BLM: variants seen among roughly 807,000 people sequenced by gnomAD.
BLM encodes the protein BLM RecQ like helicase, also known as recQ-like DNA helicase BLM.
Under a neutral mutation model 135.3 loss-of-function variants are expected in BLM, and 95 were observed. That is an observed-to-expected ratio of 0.70 (90% CI 0.59 to 0.83). The LOEUF (loss-of-function observed/expected upper bound fraction) is 0.83, where lower values mean the gene tolerates loss of function less well. BLM is among the 40% of genes least tolerant of loss of function. The pLI is 0.00. For missense variants in BLM, 1,518 were observed against 1,663.9 expected, an observed-to-expected ratio of 0.91 and a Z score of 1.53; for synonymous variants, 520 against 589.2, an observed-to-expected ratio of 0.88 and a Z score of 1.70.
At chr15:90,752,292 C>T (rs554280425) in intron 4 of BLM, among the ~76,000 whole-genome samples, 1 of 152,060 alleles carries the variant, frequency 6.6e-6, no homozygotes, top group African/African-American at 2.4e-5. Flanking sequence ...TCTTGTGCCT[C>T]AGCCTCCCAG....
rs751100504 is a variant in BLM, at chr15:90,769,477, A to G, written c.2446A>G (p.Met816Val). 3 of 1,614,184 alleles carry G rather than the reference A, an allele frequency of 1.9e-6. No homozygotes were observed. The highest frequency in any genetic ancestry group is 2.7e-5 in the African/African-American group (2 of 75,058). The change falls in exon 12 of 22, where the codon ATG (methionine) becomes GTG (valine). Residue 816 changes from methionine to valine, a missense_variant. This residue lies in a region of BLM where 626 missense variants were observed against 681.1 expected (regional missense o/e 0.92). Transcript: ENST00000355112. ...DFRQDYKRMN[M>V]LRQKFPSVPV... is the part of the protein sequence containing the mutation. ...TCGTCAAGATTACAAAAGAATGAAT[A>G]TGCTTCGCCAGAAGTTTCCTTCTGT...
Position 90,790,655 on chromosome 15 carries a change from T to C in BLM, c.2830T>C (p.Cys944Arg). ...GCTTTTGCTTTTATATCAGGTTATC[T>C]GTGCTACAATTGCATTTGGAATGGG... is the stretch of plus-strand genomic sequence containing the variant. Reference protein sequence around the residue: ...WINQDGCQVICATIAFGMGID... With the variant: ...WINQDGCQVIRATIAFGMGID... Residue 944 changes from cysteine to arginine, a missense_variant, in exon 15 of 22, where the codon TGT becomes CGT. This residue lies in a region of BLM where 626 missense variants were observed against 681.1 expected (regional missense o/e 0.92). Coordinates refer to ENST00000355112, the MANE Select transcript of BLM (RefSeq NM_000057.4). 1 of 1,614,134 alleles carries C rather than the reference T, an allele frequency of 6.2e-7. No individual in the cohort carries two copies. The highest frequency in any genetic ancestry group is 8.5e-7 in the Non-Finnish European group (1 of 1,179,946).
At chr15:90,719,510 A>G (rs1196665060) in intron 1 of BLM, among the ~76,000 whole-genome samples, 1 of 152,084 alleles carries the variant, frequency 6.6e-6, no homozygotes, top group East Asian at 1.9e-4. Flanking sequence ...CTGAGGCACG[A>G]GAATCGCTTG....
chr15:90,814,999 T>G, intron 21 of BLM, 103 bp from the exon 22 acceptor site: 1 of 1,208,084 alleles, frequency 8.3e-7, no homozygotes, highest in Non-Finnish European at 1.2e-6. Context: ...AAGGACACAT[T>G]AGGCCCAGGG....
chr15:90,741,529 ACT>A (rs1487402477), intron 1 of BLM, among the ~76,000 whole-genome samples: 3 of 151,370 alleles, frequency 2.0e-5, no homozygotes, highest in Admixed American at 6.6e-5. Flanking sequence ...TAGACTTTCT[ACT>A]CTGTCTTCCA....
chr15:90,782,580 A>G (rs1245770614), intron 12 of BLM, among the ~76,000 whole-genome samples: 1 of 152,126 alleles, frequency 6.6e-6, no homozygotes, highest in African/African-American at 2.4e-5. Flanking sequence ...TGCAAGTGGT[A>G]GTATTCTCTT....
In BLM at chr15:90,815,587, C is replaced by T. The variant is rs1325683958; in HGVS notation, c.*308C>T. 2.3e-5 allele frequency: 9 copies of T among 384,846 alleles called. 1 individual carries two copies. Among genetic ancestry groups the T allele is most frequent in the South Asian group, 9.7e-5 (3 of 31,074 alleles). The allele number at this position is 384,846 out of a possible 1,614,324, so 23.8% of individuals were successfully genotyped here. ...AACCCAGAAGCCAAAGGAAGAGCCA[C>T]GCGTGGGCCCTTGTGAAACTAAAGC... is the stretch of plus-strand genomic sequence containing the variant. On this transcript the variant is annotated 3_prime_UTR_variant, in exon 22 of 22. Transcript: ENST00000355112. This position sits in a 1 kb window ranked among gnomAD's most constrained non-coding sequence, Gnocchi z 4.6.
chr15:90,797,310 G>A (rs1017214507), intron 16 of BLM, among the ~76,000 whole-genome samples: 4 of 151,064 alleles, frequency 2.6e-5, no homozygotes, highest in African/African-American at 7.3e-5. Flanking sequence ...CAGCTACTCA[G>A]GAGGCTGAGG....
chr15:90,754,664 T>G, intron 4 of BLM, 147 bp from the exon 5 acceptor site: 1 of 936,830 alleles, frequency 1.1e-6, no homozygotes, highest in Non-Finnish European at 1.6e-6. Flanking sequence ...TAAAGAAGTT[T>G]TATAATTGAG....
intron 2 of BLM, 69 bp downstream of exon 2, chr15:90,747,559 C>A: frequency 2.1e-6 from 2 of 936,928 alleles, no homozygotes; most frequent in Non-Finnish European, 3.4e-6. Flanking sequence ...GAGATATCTT[C>A]TCTTTAAACT....
At chr15:90,771,652 G>A (rs1335035633) in intron 12 of BLM, among the ~76,000 whole-genome samples, 7 of 138,714 alleles carry the variant, frequency 5.0e-5, no homozygotes, top group African/African-American at 1.9e-4. Context: ...TGTTACCCAA[G>A]CTGGTCTCGA....
At chr15:90,789,182 C>G (rs946408151) in intron 14 of BLM, among the ~76,000 whole-genome samples, 2 of 152,060 alleles carry the variant, frequency 1.3e-5, no homozygotes, top group African/African-American at 4.8e-5. Flanking sequence ...GCTCGACAGA[C>G]TTGATCTCGT....
intron 12 of BLM, among the ~76,000 whole-genome samples, chr15:90,772,599 A>G (rs904691252): frequency 6.6e-6 from 1 of 152,224 alleles, no homozygotes; most frequent in Non-Finnish European, 1.5e-5. Flanking sequence ...TGGAGTGAGA[A>G]CTTAAAACAC....
At chr15:90,803,422 C>T (rs182933516) in intron 17 of BLM, 99 bp from the exon 18 acceptor site, 3 of 1,040,932 alleles carry the variant, frequency 2.9e-6, no homozygotes, top group Non-Finnish European at 4.4e-6. Context: ...TCTATTCCAT[C>T]TGTCCAAACC....
intron 9 of BLM, among the ~76,000 whole-genome samples, 200 bp from the exon 10 acceptor site, chr15:90,766,710 G>A (rs1014815739): frequency 1.3e-5 from 2 of 152,134 alleles, no homozygotes; most frequent in Non-Finnish European, 1.5e-5. Context: ...TTACAGGCGT[G>A]AGCCACCACG....
chr15:90,764,460 C>T (rs957351670), intron 8 of BLM, among the ~76,000 whole-genome samples: 6 of 151,720 alleles, frequency 4.0e-5, no homozygotes, highest in Non-Finnish European at 5.9e-5. Context: ...CAATCCCCCC[C>T]ACCTTAGCCT....
chr15:90,740,404 A>G (rs972122312), intron 1 of BLM, among the ~76,000 whole-genome samples: 2 of 152,190 alleles, frequency 1.3e-5, no homozygotes, highest in African/African-American at 4.8e-5. Flanking sequence ...TGTAGCATTT[A>G]TCAGTACTAT....
rs1896974003 is a variant in BLM at position 90,794,222 on chromosome 15, C to T, written c.3075C>T (p.Ser1025=). ...TRETHFNNLY[S]MVHYCENITE... is the part of the protein sequence containing the mutation. ...AAACTCACTTCAATAATTTGTATAG[C>T]ATGGTACATTACTGTGAAAATATAA... Residue 1025 remains serine (S), a synonymous_variant, in exon 16 of 22, where the codon AGC becomes AGT. Transcript: ENST00000355112. 1 of 1,606,810 alleles carries T rather than the reference C, an allele frequency of 6.2e-7. No individual in the cohort carries two copies. The highest frequency in any genetic ancestry group is 1.3e-5 in the African/African-American group (1 of 74,770).
Position 90,815,391 on chromosome 15 carries a change from A to C in BLM, c.*112A>C. On this transcript the variant is annotated 3_prime_UTR_variant, in exon 22 of 22. Coordinates refer to ENST00000355112, the MANE Select transcript of BLM (RefSeq NM_000057.4). This position sits in a 1 kb window ranked among gnomAD's most constrained non-coding sequence, Gnocchi z 4.6. Reference sequence around the variant, plus strand: ...CCATTTGAAGTTTTTACTCGTCTCTATTAATATTTAAATAAATGCTGGGGG... The same window carrying C: ...CCATTTGAAGTTTTTACTCGTCTCTCTTAATATTTAAATAAATGCTGGGGG... The C allele has an allele frequency of 8.7e-7, 1 of 1,152,604 alleles. No individual in the cohort carries two copies. 71.4% of individuals were successfully genotyped at this position (1,152,604 alleles called of 1,614,324 possible). A position where few individuals can be genotyped will look rare whatever the true frequency, so the allele number is the denominator to read the frequency against.
Sources: gnomAD v4.1 joint callset for allele counts (sites outside exome capture counted in the v4.1 genomes callset) on GRCh38, gnomAD v4.1.1 for gene constraint, gnomAD v4.1.1 regional missense constraint, Gnocchi (gnomAD v3.1) non-coding constraint, MANE v1.5 for transcripts, NCBI Gene and HGNC (gene_info 2026-07-23, HGNC 2026-07-21) for gene names.